The following FAAH2 variants were observed in gnomAD, a reference collection of about 807,000 sequenced individuals.
The protein encoded by FAAH2 is fatty-acid amide hydrolase 2.
A neutral mutation model predicts 36.9 loss-of-function variants in FAAH2; 60 were observed. The ratio of observed to expected loss-of-function variants is 1.63; its 90% CI spans 1.32 to 2.02. The LOEUF is 2.02. FAAH2 is among the 30% of genes most tolerant of loss of function. The probability of loss-of-function intolerance (pLI) is 0.00; values close to 1 mark genes in which losing one functional copy is unlikely to be tolerated. For synonymous variants in FAAH2, 214 were observed against 143.8 expected, an observed-to-expected ratio of 1.49 and a Z score of -3.49; for missense variants, 689 against 397.5, an observed-to-expected ratio of 1.73 and a Z score of -6.23.
intron 1 of FAAH2, among the ~76,000 whole-genome samples, chrX:57,290,796 C>A (rs777039205): frequency 9.0e-6 from 1 of 111,433 alleles, no homozygotes; most frequent in Non-Finnish European, 1.9e-5. Flanking sequence ...CATATTAGGA[C>A]AATTTTAGCC....
intron 5 of FAAH2, among the ~76,000 whole-genome samples, chrX:57,375,995 C>G (rs192969685): frequency 9.0e-6 from 1 of 111,116 alleles, no homozygotes; most frequent in Admixed American, 9.6e-5. Flanking sequence ...ATTATACTTT[C>G]CCCACTGCAT....
At chrX:57,263,212 C>T in the FAAH2 span, among the ~76,000 whole-genome samples, 1 of 111,337 alleles carries the variant, frequency 9.0e-6, no homozygotes, top group Non-Finnish European at 1.9e-5. Flanking sequence ...AAGGAGTGTA[C>T]AAAAACCTCC....
chrX:57,394,367 A>G, intron 7 of FAAH2: 2 of 1,187,110 alleles, frequency 1.7e-6, no homozygotes, highest in Non-Finnish European at 2.3e-6. Context: ...CAGGCGTTCT[A>G]GTGCTGACAG....
At chrX:57,474,493 A>C (rs752450669) in intron 10 of FAAH2, among the ~76,000 whole-genome samples, 26 of 111,578 alleles carry the variant, frequency 2.3e-4, no homozygotes, top group Non-Finnish European at 3.2e-4. Context: ...TTTGCTGAGA[A>C]TTATGGCTGC....
chrX:57,452,176 A>T, intron 10 of FAAH2: 4 of 754,487 alleles, frequency 5.3e-6, no homozygotes, highest in Non-Finnish European at 4.7e-6. Context: ...TCCTGAGATG[A>T]ACAGCATTGG....
intron 4 of FAAH2, among the ~76,000 whole-genome samples, chrX:57,337,950 G>C (rs774705336): frequency 1.8e-5 from 2 of 111,954 alleles, no homozygotes. Flanking sequence ...AATAGGAAGA[G>C]AGGAAGTCAA....
chrX:57,140,698 G>A, the FAAH2 span, among the ~76,000 whole-genome samples: 1 of 111,026 alleles, frequency 9.0e-6, no homozygotes, highest in South Asian at 3.8e-4. Context: ...TGCAGCTGAA[G>A]GCTATTATCC....
chrX:57,455,159 C>T (rs1208650901), intron 10 of FAAH2, among the ~76,000 whole-genome samples: 2 of 111,777 alleles, frequency 1.8e-5, no homozygotes, highest in Non-Finnish European at 3.8e-5. Flanking sequence ...AATATTGTTA[C>T]AGTGAAGAAT....
At chrX:57,149,587 T>G in the FAAH2 span, among the ~76,000 whole-genome samples, 20 of 111,860 alleles carry the variant, frequency 1.8e-4, no homozygotes, top group Non-Finnish European at 3.6e-4. Flanking sequence ...TGTATTTCTG[T>G]GGGATCGGTG....
At chrX:57,254,418 G>A in the FAAH2 span, among the ~76,000 whole-genome samples, 3 of 111,943 alleles carry the variant, frequency 2.7e-5, no homozygotes, top group East Asian at 2.8e-4. Context: ...TCTGGATCAA[G>A]TGAGCCTAAT....
intron 8 of FAAH2, among the ~76,000 whole-genome samples, chrX:57,435,843 C>A (rs1374272070): frequency 1.8e-5 from 2 of 111,013 alleles, no homozygotes; most frequent in Non-Finnish European, 3.8e-5. Flanking sequence ...GTGCAATAGA[C>A]CTAACACACT....
chrX:57,145,983 G>A, the FAAH2 span, among the ~76,000 whole-genome samples: 4 of 109,841 alleles, frequency 3.6e-5, no homozygotes, highest in Non-Finnish European at 7.6e-5. Context: ...GTTTGAAGTT[G>A]GGTAATGTGA....
chrX:57,462,426 C>A (rs2056976737), intron 10 of FAAH2, among the ~76,000 whole-genome samples: 1 of 111,205 alleles, frequency 9.0e-6, no homozygotes, highest in African/African-American at 3.3e-5. Context: ...ACTGGCAAAC[C>A]GAATCCACCT....
intron 8 of FAAH2, among the ~76,000 whole-genome samples, chrX:57,433,498 A>AT (rs1468436114): frequency 8.9e-6 from 1 of 112,183 alleles, no homozygotes; most frequent in Non-Finnish European, 1.9e-5. Flanking sequence ...TTGTGACTAC[A>AT]TAATAGTTGT....
chrX:57,370,622 C>T (rs1256307732), intron 5 of FAAH2, among the ~76,000 whole-genome samples: 1 of 111,901 alleles, frequency 8.9e-6, no homozygotes, highest in African/African-American at 3.2e-5. Flanking sequence ...GGGTCCCCAA[C>T]CCCCAGGCCA....
chrX:57,137,852 T>C, the FAAH2 span, among the ~76,000 whole-genome samples: 13,538 of 111,180 alleles, frequency 0.12, 1,940 homozygotes, highest in African/African-American at 0.41. Flanking sequence ...TACGACCATA[T>C]GCAAATGTGT....
intron 5 of FAAH2, among the ~76,000 whole-genome samples, chrX:57,349,694 T>C (rs1453911262): frequency 9.2e-6 from 1 of 108,842 alleles, no homozygotes; most frequent in African/African-American, 3.3e-5. Context: ...TCTTTTGAAA[T>C]AATTCTTTTG....
Position 57,488,940 on chromosome X carries a change from T to A in FAAH2, c.*8T>A, listed in dbSNP as rs1213872203. ...TGTCCAGGAAAGTTTTAGGAGGACC[T>A]TCTGCAAGGTTAATGTGTGTGTGTG... On this transcript the variant is annotated 3_prime_UTR_variant, in exon 11 of 11. Transcript: ENST00000374900. 1.7e-6 allele frequency: 2 copies of A among 1,206,328 alleles called. No homozygotes were observed. The highest frequency in any genetic ancestry group is 3.5e-5 in the African/African-American group (2 of 57,538).
chrX:57,137,257 T>C, the FAAH2 span: 693 of 760,127 alleles, frequency 9.1e-4, 1 homozygote, highest in African/African-American at 2.9e-3. Context: ...CGAAATCGGA[T>C]ACCTCGATGC....
Sources: allele counts gnomAD v4.1 joint callset (sites outside exome capture counted in the v4.1 genomes callset), GRCh38; gene constraint gnomAD v4.1.1; transcripts MANE v1.5; gene names NCBI Gene and HGNC (gene_info 2026-07-23, HGNC 2026-07-21).